Variants in SLC35F6 observed in about 807,000 individuals in gnomAD.
The protein encoded by SLC35F6 is ANT2-binding protein.
A neutral mutation model predicts 29.4 loss-of-function variants in SLC35F6; 26 were observed. The ratio of observed to expected loss-of-function variants is 0.89; its 90% CI spans 0.65 to 1.23. The LOEUF is 1.23. SLC35F6 is among the 50% of genes most tolerant of loss of function. SLC35F6 has a pLI of 0.00. For missense variants in SLC35F6, 428 were observed against 487.8 expected, an observed-to-expected ratio of 0.88 and a Z score of 1.15; for synonymous variants, 174 against 206.6, an observed-to-expected ratio of 0.84 and a Z score of 1.35.
intron 4 of SLC35F6, among the ~76,000 whole-genome samples, 192 bp from the exon 5 acceptor site, chr2:26,776,180 C>A (rs532204438): frequency 7.9e-5 from 12 of 152,340 alleles, no homozygotes; most frequent in Non-Finnish European, 1.8e-4. Flanking sequence ...GCCTCTGGGG[C>A]CTTAGCCTGG....
chr2:26,769,432 C>G (rs945656524), intron 1 of SLC35F6, among the ~76,000 whole-genome samples: 1 of 152,246 alleles, frequency 6.6e-6, no homozygotes, highest in African/African-American at 2.4e-5. Flanking sequence ...TGGGCTGCCC[C>G]TCTCCTCCCA....
intron 1 of SLC35F6, among the ~76,000 whole-genome samples, chr2:26,773,753 C>T (rs921277673): frequency 6.6e-6 from 1 of 151,586 alleles, no homozygotes; most frequent in Non-Finnish European, 1.5e-5. Context: ...GCTGGGATTA[C>T]AGGCTTGTAC....
At position 26,770,466 on chromosome 2, in the gene SLC35F6, C is replaced by T. The variant is rs565276483; in HGVS notation, c.78-3785C>T. On this transcript the variant is annotated intron_variant, in intron 1 of 5. Coordinates refer to ENST00000344420, the MANE Select transcript of SLC35F6 (RefSeq NM_017877.4). ...GACGCAGAGGCTTATACCTGTAATC[C>T]GATCACTTTGGGAGATTGATACGGG... 2.6e-5 allele frequency among the ~76,000 whole-genome samples: 4 copies of T among 152,214 alleles called. No homozygotes were observed. In the South Asian group the frequency reaches 6.2e-4, roughly 24 times the overall value.
intron 1 of SLC35F6, among the ~76,000 whole-genome samples, chr2:26,770,249 T>A (rs1020149939): frequency 6.6e-6 from 1 of 151,660 alleles, no homozygotes; most frequent in East Asian, 1.9e-4. Context: ...TTGCAAAAAA[T>A]ACAAAAATTA....
At chr2:26,771,284 T>G (rs1423225315) in intron 1 of SLC35F6, among the ~76,000 whole-genome samples, 1 of 152,232 alleles carries the variant, frequency 6.6e-6, no homozygotes, top group East Asian at 1.9e-4. Context: ...CATGGAAATG[T>G]GGCCTCAGCT....
At chr2:26,770,700 A>G (rs1298178980) in intron 1 of SLC35F6, among the ~76,000 whole-genome samples, 1 of 151,996 alleles carries the variant, frequency 6.6e-6, no homozygotes, top group Non-Finnish European at 1.5e-5. Context: ...CCTGGGTGAC[A>G]GAGGGAGGCT....
Position 26,778,427 on chromosome 2 carries a change from G to C in SLC35F6, c.1032G>C (p.Leu344=), listed in dbSNP as rs755473753. ...NGLHRPLLGR[L]SRGRPLAEES... ...TACACCGTCCGCTGCTGGGCCGCCT[G>C]TCCAGGGGCCGGCCCCTGGCAGAGG... The change falls in exon 6 of 6, where the codon CTG becomes CTC. Residue 344 remains leucine (L), a synonymous_variant. Transcript: ENST00000344420. The C allele has an allele frequency of 1.4e-5, 23 of 1,614,012 alleles. No individual in the cohort carries two copies. The highest frequency in any genetic ancestry group is 1.8e-5 in the Non-Finnish European group (21 of 1,180,030).
intron 1 of SLC35F6, chr2:26,764,682 G>A (rs1664062524): frequency 1.5e-6 from 1 of 645,584 alleles, no homozygotes. Context: ...TCTTTTAACA[G>A]GAGGGTTGGC....
At chr2:26,776,345 C>G (rs1229271960) in intron 4 of SLC35F6, 27 bp from the exon 5 acceptor site, 3 of 1,609,202 alleles carry the variant, frequency 1.9e-6, no homozygotes, top group Non-Finnish European at 2.6e-6. Context: ...CAGCCCTGTT[C>G]TCATCTGGGT....
intron 1 of SLC35F6, among the ~76,000 whole-genome samples, chr2:26,768,987 G>T (rs943661084): frequency 3.9e-5 from 6 of 152,158 alleles, no homozygotes; most frequent in Non-Finnish European, 7.4e-5. Context: ...GCTCACCATT[G>T]TCACCTCAGG....
Position 26,778,888 on chromosome 2 carries a change from T to A in SLC35F6, c.*377T>A, listed in dbSNP as rs1664356092. 9.8e-6 allele frequency: 2 copies of A among 203,916 alleles called. No homozygotes were observed. Among genetic ancestry groups the A allele is most frequent in the Admixed American group, 1.1e-4 (2 of 17,888 alleles). 12.6% of individuals were successfully genotyped at this position (203,916 alleles called of 1,614,324 possible). ...TGAGTCATAAGCTAGATTTGATTCTTCAAAGAAGAAAAGTCAGTGAGCAAA... is the reference window on the plus strand; with the variant it reads ...TGAGTCATAAGCTAGATTTGATTCTACAAAGAAGAAAAGTCAGTGAGCAAA... On this transcript the variant is annotated 3_prime_UTR_variant, in exon 6 of 6. Transcript: ENST00000344420.
chr2:26,772,999 C>G (rs1473863647), intron 1 of SLC35F6, among the ~76,000 whole-genome samples: 1 of 152,116 alleles, frequency 6.6e-6, no homozygotes, highest in Non-Finnish European at 1.5e-5. Context: ...GTCTTTGCCA[C>G]CTGCTTGAAA....
Position 26,775,543 on chromosome 2 carries a change from C to G in SLC35F6, c.402C>G (p.Ala134=). The G allele has an allele frequency of 6.2e-7, 1 of 1,610,420 alleles. No individual in the cohort carries two copies. Among genetic ancestry groups the G allele is most frequent in the East Asian group, 2.2e-5 (1 of 44,858 alleles). ...VIIFTGLFSV[A]FLGRRLVLSQ... Reference sequence around the variant, plus strand: ...TATTCACTGGCCTGTTCTCGGTGGCCTTCCTGGGCCGGAGGCTGGTGCTGA... The same window carrying G: ...TATTCACTGGCCTGTTCTCGGTGGCGTTCCTGGGCCGGAGGCTGGTGCTGA... The change falls in exon 4 of 6, where the codon GCC becomes GCG. Residue 134 remains alanine (A), a synonymous_variant. Coordinates refer to ENST00000344420, the MANE Select transcript of SLC35F6 (RefSeq NM_017877.4). This position sits in a 1 kb window ranked among gnomAD's most constrained non-coding sequence, Gnocchi z 4.6.
intron 1 of SLC35F6, among the ~76,000 whole-genome samples, chr2:26,768,531 T>G (rs1483486355): frequency 6.6e-6 from 1 of 151,802 alleles, no homozygotes; most frequent in Non-Finnish European, 1.5e-5. Context: ...CCGGATAATT[T>G]TTTTGTATTT....
intron 1 of SLC35F6, among the ~76,000 whole-genome samples, chr2:26,769,439 C>T (rs1664154761): frequency 6.6e-6 from 1 of 152,250 alleles, no homozygotes; most frequent in African/African-American, 2.4e-5. Context: ...CCCCTCTCCT[C>T]CCACCAGCTA....
rs979446588 is a variant in SLC35F6 at position 26,780,881 on chromosome 2, G to A, written c.*2370G>A. The A allele has an allele frequency of 1.3e-5, 2 of 152,256 alleles. No individual in the cohort carries two copies. The highest frequency in any genetic ancestry group is 4.8e-5 in the African/African-American group (2 of 41,420). The allele number at this position is 152,256 out of a possible 1,614,324, so 9.4% of individuals were successfully genotyped here. On this transcript the variant is annotated 3_prime_UTR_variant, in exon 6 of 6. Coordinates refer to ENST00000344420, the MANE Select transcript of SLC35F6 (RefSeq NM_017877.4). The stretch of plus-strand genomic sequence containing the variant: ...ATGCCTGCCTCAAAATAGCCTCTGA[G>A]GGAAGGGAGCTGTTGACAAGTGAAG...
Position 26,780,947 on chromosome 2 carries a change from G to GT in SLC35F6, c.*2437dup, listed in dbSNP as rs1558295942. On this transcript the variant is annotated 3_prime_UTR_variant, in exon 6 of 6. Transcript: ENST00000344420. The stretch of plus-strand genomic sequence containing the variant: ...GGATTCCAGCAGGTTATTACAGCTT[G>GT]TGGGGGGAGGGAGGGTCCATTCCAC... 2 of 152,188 alleles carry GT rather than the reference G, an allele frequency of 1.3e-5. No homozygotes were observed. The highest frequency in any genetic ancestry group is 4.8e-5 in the African/African-American group (2 of 41,434). The allele number at this position is 152,188 out of a possible 1,614,324, so 9.4% of individuals were successfully genotyped here. A position where few individuals can be genotyped will look rare whatever the true frequency, so the allele number is the denominator to read the frequency against.
At chr2:26,765,923 AAGTCCACC>A (rs1341370962) in intron 1 of SLC35F6, among the ~76,000 whole-genome samples, 2 of 152,208 alleles carry the variant, frequency 1.3e-5, no homozygotes, top group African/African-American at 2.4e-5. Flanking sequence ...GAGCGGTTGT[AAGTCCACC>A]AGGGCTGCTG....
intron 1 of SLC35F6, 136 bp downstream of exon 1, chr2:26,764,562 C>T (rs971361169): frequency 8.7e-5 from 103 of 1,181,866 alleles, no homozygotes; most frequent in Non-Finnish European, 1.2e-4. Flanking sequence ...GCGTTATGAC[C>T]ACCCAAGGGA....
Sources: gnomAD v4.1 joint callset for allele counts (sites outside exome capture counted in the v4.1 genomes callset) on GRCh38, gnomAD v4.1.1 for gene constraint, Gnocchi (gnomAD v3.1) non-coding constraint, MANE v1.5 for transcripts, NCBI Gene and HGNC (gene_info 2026-07-23, HGNC 2026-07-21) for gene names.